PKD1L1: variants seen among roughly 807,000 people sequenced by gnomAD.
The protein encoded by PKD1L1 is polycystin 1 like 1, transient receptor potential channel interacting.
PKD1L1 carries 236 observed loss-of-function variants against 323.4 expected under a neutral mutation model. The ratio of observed to expected loss-of-function variants is 0.73; its 90% CI spans 0.66 to 0.81. PKD1L1 has a LOEUF of 0.81. Among genes scored for constraint, PKD1L1 ranks in the 40% least tolerant of loss-of-function variants. PKD1L1 has a pLI of 0.00. For missense variants in PKD1L1, 3,320 were observed against 3,508.0 expected (o/e 0.95, Z 1.35); for synonymous variants, 1,344 against 1,335.0 (o/e 1.01, Z -0.15).
intron 7 of PKD1L1, among the ~76,000 whole-genome samples, chr7:47,924,049 C>T (rs1787610631): frequency 1.3e-5 from 2 of 151,764 alleles, no homozygotes; most frequent in African/African-American, 2.4e-5. Flanking sequence ...GGAACAATGT[C>T]GCAGCCTGAT....
intron 56 of PKD1L1, among the ~76,000 whole-genome samples, chr7:47,790,658 G>C (rs536317244): frequency 6.6e-6 from 1 of 152,124 alleles, no homozygotes; most frequent in Non-Finnish European, 1.5e-5. Context: ...AACTCACTTG[G>C]AGATGACTTG....
chr7:47,899,683 A>G lies in PKD1L1; in HGVS notation c.2065-1489T>C, dbSNP rs185345557. ...AAAAATTGGAAAGGGAAGGCCAGGCACGGTGACGCAAGCCTGTAATCCCAG... is the reference window on the plus strand; with the variant it reads ...AAAAATTGGAAAGGGAAGGCCAGGCGCGGTGACGCAAGCCTGTAATCCCAG... On this transcript the variant is annotated intron_variant, in intron 13 of 56. Transcript: ENST00000289672. 6.3e-3 allele frequency among the ~76,000 whole-genome samples: 965 copies of G among 152,170 alleles called. 12 individuals carry two copies. The highest frequency in any genetic ancestry group is 0.022 in the African/African-American group (904 of 41,518).
chr7:47,891,285 TCA>T (rs1786811238), intron 15 of PKD1L1, among the ~76,000 whole-genome samples: 1 of 152,176 alleles, frequency 6.6e-6, no homozygotes, highest in Non-Finnish European at 1.5e-5. Context: ...CCTCCCAGTC[TCA>T]CAGTCTTTCT....
At chr7:47,854,044 T>C (rs1292778068) in intron 30 of PKD1L1, among the ~76,000 whole-genome samples, 1 of 152,226 alleles carries the variant, frequency 6.6e-6, no homozygotes, top group African/African-American at 2.4e-5. Flanking sequence ...CTTTTCTGCA[T>C]GTGACTTAAA....
chr7:47,874,192 C>T (rs546994981), intron 23 of PKD1L1, among the ~76,000 whole-genome samples, 182 bp from the exon 24 acceptor site: 2 of 152,260 alleles, frequency 1.3e-5, no homozygotes, highest in East Asian at 3.9e-4. Flanking sequence ...ACTGTCAAGG[C>T]TTGGGGTTAT....
chr7:47,892,459 G>A (rs1043344103), intron 15 of PKD1L1, among the ~76,000 whole-genome samples: 1 of 152,166 alleles, frequency 6.6e-6, no homozygotes, highest in African/African-American at 2.4e-5. Flanking sequence ...CTGTGAGGAC[G>A]TTGGCTTTTA....
chr7:47,777,012 T>C (rs911052423), intron 56 of PKD1L1, among the ~76,000 whole-genome samples: 2 of 152,106 alleles, frequency 1.3e-5, no homozygotes, highest in Non-Finnish European at 2.9e-5. Flanking sequence ...CCGCCTCAGC[T>C]TCCTGAGTAG....
At chr7:47,940,150 G>A (rs1241975030) in intron 3 of PKD1L1, 43 bp downstream of exon 3, 10 of 1,613,046 alleles carry the variant, frequency 6.2e-6, no homozygotes, top group Non-Finnish European at 8.5e-6. Flanking sequence ...TACATGTACT[G>A]TATTCAGGAA....
chr7:47,776,496 C>T (rs1355618021), intron 56 of PKD1L1, among the ~76,000 whole-genome samples: 1 of 152,224 alleles, frequency 6.6e-6, no homozygotes. Flanking sequence ...GCTGACTCAG[C>T]ATGGCCCCAA....
chr7:47,878,604 G>A (rs910529098), intron 21 of PKD1L1, among the ~76,000 whole-genome samples: 3 of 152,188 alleles, frequency 2.0e-5, no homozygotes, highest in African/African-American at 7.2e-5. Flanking sequence ...AGAAAAGGAT[G>A]ATGAATCCTG....
intron 13 of PKD1L1, among the ~76,000 whole-genome samples, chr7:47,902,102 C>T (rs368505599): frequency 4.6e-5 from 7 of 151,012 alleles, no homozygotes; most frequent in African/African-American, 1.7e-4. Flanking sequence ...GTGCTGAATG[C>T]CAGAGTAATG....
intron 20 of PKD1L1, 138 bp downstream of exon 20, chr7:47,881,771 G>A: frequency 1.2e-6 from 1 of 848,544 alleles, no homozygotes; most frequent in Non-Finnish European, 1.8e-6. Context: ...GTCCATAGAA[G>A]AACAAGCACA....
intron 30 of PKD1L1, among the ~76,000 whole-genome samples, chr7:47,853,520 A>G (rs1785827201): frequency 6.6e-6 from 1 of 152,148 alleles, no homozygotes; most frequent in Non-Finnish European, 1.5e-5. Context: ...AGATGGGCGG[A>G]CCACCTGAGG....
intron 52 of PKD1L1, among the ~76,000 whole-genome samples, chr7:47,803,577 G>A (rs928912649): frequency 2.0e-5 from 3 of 152,282 alleles, no homozygotes; most frequent in Middle Eastern, 6.8e-3. Flanking sequence ...ATTCTGGCCT[G>A]GCCATTTCTT....
At position 47,840,766 on chromosome 7, in the gene PKD1L1, C is replaced by A. The variant is rs1422849237; in HGVS notation, c.5446-199G>T. On this transcript the variant is annotated intron_variant, in intron 34 of 56. Transcript: ENST00000289672. The surrounding 1 kb of genome is among the most constrained non-coding windows in gnomAD (Gnocchi z 4.1). ...GCTTCCCTGGAGAGCCAGAGGAGAGCCTCGAAGTGGAGCCTGGTAGAATTG... is the reference window on the plus strand; with the variant it reads ...GCTTCCCTGGAGAGCCAGAGGAGAGACTCGAAGTGGAGCCTGGTAGAATTG... Among the ~76,000 whole-genome samples, 1 of 152,214 alleles carries A rather than the reference C, an allele frequency of 6.6e-6. No homozygotes were observed. Among genetic ancestry groups the A allele is most frequent in the Non-Finnish European group, 1.5e-5 (1 of 68,028 alleles).
At chr7:47,925,541 GGACC>G (rs1787640646) in intron 7 of PKD1L1, among the ~76,000 whole-genome samples, 1 of 152,078 alleles carries the variant, frequency 6.6e-6, no homozygotes, top group South Asian at 2.1e-4. Context: ...CCTACTGAAT[GGACC>G]CCTCCTTTTG....
upstream of PKD1L1, among the ~76,000 whole-genome samples, chr7:47,949,663 AT>A (rs1019705460): frequency 8.5e-5 from 13 of 152,228 alleles, no homozygotes; most frequent in Admixed American, 6.5e-4. Flanking sequence ...ACCTTCAGAG[AT>A]TTTAGAAAAC....
intron 43 of PKD1L1, 41 bp downstream of exon 43, chr7:47,829,999 T>G: frequency 1.3e-6 from 2 of 1,569,170 alleles, no homozygotes; most frequent in Non-Finnish European, 1.8e-6. Context: ...CTAGGTCCCC[T>G]GCTGATGGAA....
At chr7:47,822,140 G>A (rs1033958600) in intron 45 of PKD1L1, among the ~76,000 whole-genome samples, 2 of 152,114 alleles carry the variant, frequency 1.3e-5, no homozygotes, top group African/African-American at 4.8e-5. Context: ...CAAATATCAT[G>A]CTGCCTTGGT....
Sources: gnomAD v4.1 joint callset for allele counts (sites outside exome capture counted in the v4.1 genomes callset) on GRCh38, gnomAD v4.1.1 for gene constraint, Gnocchi (gnomAD v3.1) non-coding constraint, MANE v1.5 for transcripts, NCBI Gene and HGNC (gene_info 2026-07-23, HGNC 2026-07-21) for gene names.